Variants in USP34 observed in about 807,000 individuals in gnomAD.
USP34 encodes the protein ubiquitin specific peptidase 34.
USP34 carries 70 observed loss-of-function variants against 460.3 expected under a neutral mutation model. That is an observed-to-expected ratio of 0.15 (90% confidence interval 0.13 to 0.19). The LOEUF (loss-of-function observed/expected upper bound fraction) is 0.19, where lower values mean the gene tolerates loss of function less well. USP34 is among the 10% of genes least tolerant of loss of function. The probability of loss-of-function intolerance (pLI) is 1.00; values close to 1 mark genes in which losing one functional copy is unlikely to be tolerated. For missense variants in USP34, 3,985 were observed against 4,236.2 expected, an observed-to-expected ratio of 0.94 and a Z score of 1.65; for synonymous variants, 1,647 against 1,405.3, an observed-to-expected ratio of 1.17 and a Z score of -3.85.
intron 3 of USP34, among the ~76,000 whole-genome samples, chr2:61,403,896 G>A (rs1354358189): frequency 2.7e-5 from 4 of 149,710 alleles, no homozygotes; most frequent in African/African-American, 9.8e-5. Context: ...AGGAGGCTGA[G>A]GCAGGAGAAT....
chr2:61,211,035 C>G (rs182826350), intron 69 of USP34, among the ~76,000 whole-genome samples: 1 of 152,122 alleles, frequency 6.6e-6, no homozygotes, highest in East Asian at 1.9e-4. Flanking sequence ...TTAAGAAATC[C>G]GGCAAAGGCG....
chr2:61,360,836 T>G (rs1692254365), intron 10 of USP34, among the ~76,000 whole-genome samples: 1 of 152,180 alleles, frequency 6.6e-6, no homozygotes, highest in South Asian at 2.1e-4. Context: ...TTTGTATTTT[T>G]GGTACAGACA....
At chr2:61,326,641 C>T (rs1691098941) in intron 20 of USP34, among the ~76,000 whole-genome samples, 1 of 152,030 alleles carries the variant, frequency 6.6e-6, no homozygotes, top group Non-Finnish European at 1.5e-5. Context: ...GAAACTAAGT[C>T]AATAATAAGC....
chr2:61,375,811 T>C (rs1242659886), intron 8 of USP34, among the ~76,000 whole-genome samples: 1 of 115,846 alleles, frequency 8.6e-6, no homozygotes, highest in Non-Finnish European at 1.8e-5. Flanking sequence ...ACAATCCAAA[T>C]ATCCATCAAC....
At chr2:61,247,959 G>A (rs1053273903) in intron 49 of USP34, among the ~76,000 whole-genome samples, 3 of 152,102 alleles carry the variant, frequency 2.0e-5, no homozygotes, top group Non-Finnish European at 4.4e-5. Flanking sequence ...GGCCAATGCA[G>A]GTGGATTGCC....
chr2:61,259,280 A>T (rs1416479135), intron 44 of USP34, among the ~76,000 whole-genome samples: 2 of 152,106 alleles, frequency 1.3e-5, no homozygotes, highest in African/African-American at 2.4e-5. Context: ...ATAAATAAAT[A>T]AAAAAGTAAG....
intron 10 of USP34, among the ~76,000 whole-genome samples, chr2:61,357,009 T>C (rs1327092218): frequency 1.3e-5 from 2 of 152,142 alleles, no homozygotes; most frequent in East Asian, 1.9e-4. Context: ...ACAATAATAG[T>C]TGGAGACTTC....
intron 1 of USP34, among the ~76,000 whole-genome samples, chr2:61,467,497 C>T (rs991510024): frequency 1.3e-5 from 2 of 151,874 alleles, no homozygotes; most frequent in Non-Finnish European, 1.5e-5. Context: ...TCAGCATGAC[C>T]TGGAAACACA....
At chr2:61,214,751 A>G in intron 67 of USP34, 57 bp from the exon 68 acceptor site, 1 of 1,555,390 alleles carries the variant, frequency 6.4e-7, no homozygotes, top group Non-Finnish European at 8.7e-7. Flanking sequence ...TAGACTGAAC[A>G]GCAGTCATTA....
intron 53 of USP34, among the ~76,000 whole-genome samples, chr2:61,239,017 G>A (rs964789026): frequency 6.6e-6 from 1 of 151,634 alleles, no homozygotes; most frequent in Non-Finnish European, 1.5e-5. Context: ...TAACCAGTAT[G>A]ATTTTTGATG....
At chr2:61,401,232 C>T (rs1047989021) in intron 3 of USP34, among the ~76,000 whole-genome samples, 5 of 150,588 alleles carry the variant, frequency 3.3e-5, no homozygotes, top group Non-Finnish European at 5.9e-5. Flanking sequence ...GTATATTTAA[C>T]ATAAATGCAG....
At chr2:61,352,658 CAT>C (rs1691975014) in intron 10 of USP34, among the ~76,000 whole-genome samples, 1 of 144,644 alleles carries the variant, frequency 6.9e-6, no homozygotes, top group East Asian at 2.1e-4. Flanking sequence ...GAAAAAAAAT[CAT>C]AAAATCCTGT....
intron 57 of USP34, among the ~76,000 whole-genome samples, chr2:61,233,582 C>G (rs6735081): frequency 3.3e-5 from 5 of 151,920 alleles, no homozygotes; most frequent in African/African-American, 1.2e-4. Flanking sequence ...TCTCAGCACT[C>G]TGGGAGGCAG....
At chr2:61,458,355 G>C (rs1223861840) in intron 1 of USP34, among the ~76,000 whole-genome samples, 1 of 151,836 alleles carries the variant, frequency 6.6e-6, no homozygotes, top group Non-Finnish European at 1.5e-5. Context: ...GAGGTCAGGA[G>C]TTCAAGAGAA....
chr2:61,298,053 A>T (rs1057135634), intron 29 of USP34, among the ~76,000 whole-genome samples: 63 of 152,160 alleles, frequency 4.1e-4, no homozygotes, highest in African/African-American at 1.4e-3. Context: ...AAAGGATTAG[A>T]AGGAAAAATA....
At position 61,214,085 on chromosome 2, in the gene USP34, G is replaced by A; in HGVS notation, c.8657C>T (p.Thr2886Ile). ...QNIQWAFKNLTPHASQYPGAV... is the reference protein window; with the variant it reads ...QNIQWAFKNLIPHASQYPGAV... ...TCCAGGGTATTGGCTGGCATGTGGT[G>A]TAAGATTCTTAAAGGCCCACTGGAT... is the stretch of plus-strand genomic sequence containing the variant. Residue 2886 changes from threonine to isoleucine, a missense_variant, in exon 68 of 80, where the codon ACA becomes ATA. By Grantham distance (89) the Thr-to-Ile change is moderately conservative. Around this residue, in one of 14 missense-constraint regions of USP34, gnomAD observed 275 missense variants for 292.7 expected, o/e 0.94. Transcript: ENST00000398571. 6 of 1,614,202 alleles carry A rather than the reference G, an allele frequency of 3.7e-6. No homozygotes were observed. The highest frequency in any genetic ancestry group is 4.2e-6 in the Non-Finnish European group (5 of 1,180,022).
chr2:61,369,946 C>A (rs1692565244), intron 10 of USP34, among the ~76,000 whole-genome samples: 2 of 137,140 alleles, frequency 1.5e-5, no homozygotes, highest in Non-Finnish European at 3.1e-5. Context: ...TTTATATTTA[C>A]TTTTGGAATT....
chr2:61,203,035 T>C, intron 75 of USP34, 105 bp downstream of exon 75: 1 of 1,271,590 alleles, frequency 7.9e-7, no homozygotes, highest in Non-Finnish European at 1.1e-6. Flanking sequence ...AGCATTCACT[T>C]TAAAAAAAGA....
chr2:61,311,937 G>C (rs1196189282), intron 25 of USP34, 27 bp from the exon 26 acceptor site: 3 of 1,606,816 alleles, frequency 1.9e-6, no homozygotes, highest in Admixed American at 3.4e-5. Context: ...ACAACACATA[G>C]AAAGGATACC....
Sources: allele counts gnomAD v4.1 joint callset (sites outside exome capture counted in the v4.1 genomes callset), GRCh38; gene constraint gnomAD v4.1.1; regional missense constraint gnomAD v4.1.1; transcripts MANE v1.5; gene names NCBI Gene and HGNC (gene_info 2026-07-23, HGNC 2026-07-21).